Variants in ZBTB10 observed in about 807,000 individuals in gnomAD.
ZBTB10 encodes zinc finger and BTB domain-containing protein 10.
A neutral mutation model predicts 76.4 loss-of-function variants in ZBTB10; 32 were observed. That is an observed-to-expected ratio of 0.42 (90% CI 0.32 to 0.56). The LOEUF (loss-of-function observed/expected upper bound fraction) is 0.56, where lower values mean the gene tolerates loss of function less well. ZBTB10 is among the 20% of genes least tolerant of loss of function. The pLI is 0.14. For synonymous variants in ZBTB10, 523 were observed against 432.9 expected (o/e 1.21, Z -2.58); for missense variants, 1,057 against 1,098.5 (o/e 0.96, Z 0.53).
chr8:80,505,428 T>C (rs1585851980), intron 2 of ZBTB10, among the ~76,000 whole-genome samples: 1 of 152,222 alleles, frequency 6.6e-6, no homozygotes, highest in African/African-American at 2.4e-5. Context: ...TGTAGTTCTA[T>C]GTAAATGATT....
At position 80,524,979 on chromosome 8, in the gene ZBTB10, T is replaced by C. The variant is rs1042597050; in HGVS notation, c.*5451T>C. On this transcript the variant is annotated 3_prime_UTR_variant, in exon 6 of 6. Transcript: ENST00000455036. Reference sequence around the variant, plus strand: ...TTGGGACCCTTGTAGTTGCTTTTTATTTTGCTTAGTCAACAAACACTAAAA... The same window carrying C: ...TTGGGACCCTTGTAGTTGCTTTTTACTTTGCTTAGTCAACAAACACTAAAA... 1.3e-5 allele frequency: 2 copies of C among 152,068 alleles called. No individual in the cohort carries two copies. Among genetic ancestry groups the C allele is most frequent in the African/African-American group, 4.8e-5 (2 of 41,404 alleles). The allele number at this position is 152,068 out of a possible 1,614,324, so 9.4% of individuals were successfully genotyped here. A position where few individuals can be genotyped will look rare whatever the true frequency, so the allele number is the denominator to read the frequency against.
rs1816525127 is a variant in ZBTB10, at chr8:80,524,840, A to G, written c.*5312A>G. Reference sequence around the variant, plus strand: ...GGGCTGCTTCAGAAAAAGGTCTACCACTGGAGATAACGCTATGAAAAGTGA... The same window carrying G: ...GGGCTGCTTCAGAAAAAGGTCTACCGCTGGAGATAACGCTATGAAAAGTGA... On this transcript the variant is annotated 3_prime_UTR_variant, in exon 6 of 6. Coordinates refer to ENST00000455036, the MANE Select transcript of ZBTB10 (RefSeq NM_001105539.3). The G allele has an allele frequency of 6.6e-6, 1 of 152,136 alleles. No individual in the cohort carries two copies. The highest frequency in any genetic ancestry group is 1.5e-5 in the Non-Finnish European group (1 of 67,988). 9.4% of individuals were successfully genotyped at this position (152,136 alleles called of 1,614,324 possible).
chr8:80,507,581 T>C (rs1332457780), intron 2 of ZBTB10, among the ~76,000 whole-genome samples: 4 of 151,478 alleles, frequency 2.6e-5, no homozygotes, highest in Non-Finnish European at 5.9e-5. Context: ...GCCACTGCAC[T>C]CCAGCCTGGG....
intron 2 of ZBTB10, among the ~76,000 whole-genome samples, chr8:80,507,066 T>C (rs2131502009): frequency 6.6e-6 from 1 of 152,200 alleles, no homozygotes. Context: ...TCCCAGCACT[T>C]TGGGAGGCCG....
intron 2 of ZBTB10, among the ~76,000 whole-genome samples, chr8:80,506,038 A>G (rs1247865224): frequency 1.3e-5 from 2 of 151,052 alleles, no homozygotes; most frequent in Non-Finnish European, 2.9e-5. Context: ...TACAGCCTTG[A>G]GCCACTGTGT....
intron 1 of ZBTB10, 23 bp downstream of exon 1, chr8:80,487,805 T>A: frequency 6.6e-7 from 1 of 1,525,908 alleles, no homozygotes; most frequent in Non-Finnish European, 8.8e-7. Context: ...CTGCTCCTAC[T>A]TTTTTGAGAT....
At position 80,524,557 on chromosome 8, in the gene ZBTB10, T is replaced by G. The variant is rs1816512823; in HGVS notation, c.*5029T>G. Reference sequence around the variant, plus strand: ...CTAGCTTTTTAGGTTATTTCAAAGTTAGTAATAGAGCAAAGGAAATCAGAA... The same window carrying G: ...CTAGCTTTTTAGGTTATTTCAAAGTGAGTAATAGAGCAAAGGAAATCAGAA... On this transcript the variant is annotated 3_prime_UTR_variant, in exon 6 of 6. Coordinates refer to ENST00000455036, the MANE Select transcript of ZBTB10 (RefSeq NM_001105539.3). The G allele has an allele frequency of 6.6e-6, 1 of 152,040 alleles. No individual in the cohort carries two copies. Among genetic ancestry groups the G allele is most frequent in the Non-Finnish European group, 1.5e-5 (1 of 67,938 alleles). The allele number at this position is 152,040 out of a possible 1,614,324, so 9.4% of individuals were successfully genotyped here. A position where few individuals can be genotyped will look rare whatever the true frequency, so the allele number is the denominator to read the frequency against.
intron 2 of ZBTB10, among the ~76,000 whole-genome samples, chr8:80,505,681 G>T (rs1816031324): frequency 6.6e-6 from 1 of 152,018 alleles, no homozygotes; most frequent in Non-Finnish European, 1.5e-5. Flanking sequence ...TTGGTACTTT[G>T]AAAACTATTT....
intron 1 of ZBTB10, among the ~76,000 whole-genome samples, chr8:80,497,266 C>T (rs1360569446): frequency 2.0e-5 from 3 of 151,722 alleles, no homozygotes; most frequent in African/African-American, 7.3e-5. Flanking sequence ...ATACAACATA[C>T]TGGTTTAATA....
intron 3 of ZBTB10, among the ~76,000 whole-genome samples, chr8:80,514,707 A>G (rs1361942325): frequency 6.6e-6 from 1 of 152,224 alleles, no homozygotes; most frequent in Non-Finnish European, 1.5e-5. Flanking sequence ...TCCACTTGCA[A>G]AGGGGAAAAG....
At position 80,486,406 on chromosome 8, in the gene ZBTB10, C is replaced by T. The variant is rs1345319508; in HGVS notation, c.-405C>T. On this transcript the variant is annotated 5_prime_UTR_variant, in exon 1 of 6. Transcript: ENST00000455036. ...GAGGAAGGATATCTGTGTGGAGGAT[C>T]GGTGTGTGCGCGCGCGGCTTTAAAG... 1 of 984,118 alleles carries T rather than the reference C, an allele frequency of 1.0e-6. No homozygotes were observed. 61.0% of individuals were successfully genotyped at this position (984,118 alleles called of 1,614,324 possible).
chr8:80,508,401 A>G lies in ZBTB10; in HGVS notation c.1862-5509A>G, dbSNP rs141290580. 2.0e-4 allele frequency among the ~76,000 whole-genome samples: 31 copies of G among 152,366 alleles called. 1 individual carries two copies. In the South Asian group the frequency reaches 5.8e-3, roughly 28 times the overall value. Reference sequence around the variant, plus strand: ...GGAACTCCAAAATAGCTTTCCACATATAATAGGAAATTTGGAAACGTTTTT... The same window carrying G: ...GGAACTCCAAAATAGCTTTCCACATGTAATAGGAAATTTGGAAACGTTTTT... On this transcript the variant is annotated intron_variant, in intron 2 of 5. Transcript: ENST00000455036.
intron 3 of ZBTB10, 33 bp from the exon 4 acceptor site, chr8:80,518,370 C>A: frequency 6.6e-7 from 1 of 1,521,638 alleles, no homozygotes; most frequent in Non-Finnish European, 8.8e-7. Context: ...ATCTTTATTA[C>A]CATTATTAAT....
At chr8:80,493,925 A>AG (rs1191487214) in intron 1 of ZBTB10, among the ~76,000 whole-genome samples, 1 of 152,242 alleles carries the variant, frequency 6.6e-6, no homozygotes, top group Non-Finnish European at 1.5e-5. Flanking sequence ...GCTACCAAAG[A>AG]GGATGCCATC....
intron 2 of ZBTB10, among the ~76,000 whole-genome samples, chr8:80,507,867 T>G (rs1394024598): frequency 6.6e-6 from 1 of 152,200 alleles, no homozygotes; most frequent in African/African-American, 2.4e-5. Context: ...CCCAGAGTGC[T>G]GGGGTTGCAG....
At position 80,522,631 on chromosome 8, in the gene ZBTB10, G is replaced by C. The variant is rs1585867370; in HGVS notation, c.*3103G>C. 1 of 151,952 alleles carries C rather than the reference G, an allele frequency of 6.6e-6. No individual in the cohort carries two copies. Among genetic ancestry groups the C allele is most frequent in the African/African-American group, 2.4e-5 (1 of 41,438 alleles). 9.4% of individuals were successfully genotyped at this position (151,952 alleles called of 1,614,324 possible). A position where few individuals can be genotyped will look rare whatever the true frequency, so the allele number is the denominator to read the frequency against. ...TGAAATTGGGGAAAACACACTAGCT[G>C]GGTTAGGTACAGCTATCCTAATGGA... On this transcript the variant is annotated 3_prime_UTR_variant, in exon 6 of 6. Transcript: ENST00000455036.
chr8:80,495,815 A>C (rs1815768884), intron 1 of ZBTB10, among the ~76,000 whole-genome samples: 1 of 152,222 alleles, frequency 6.6e-6, no homozygotes, highest in Non-Finnish European at 1.5e-5. Context: ...CTAACTGGAC[A>C]CTTACCTATA....
intron 2 of ZBTB10, among the ~76,000 whole-genome samples, chr8:80,513,490 C>A (rs779796514): frequency 6.6e-6 from 1 of 152,162 alleles, no homozygotes; most frequent in Non-Finnish European, 1.5e-5. Context: ...AATGTGGATG[C>A]ACCAGCAATG....
intron 2 of ZBTB10, 22 bp downstream of exon 2, chr8:80,500,404 A>G: frequency 6.7e-7 from 1 of 1,495,348 alleles, no homozygotes; most frequent in African/African-American, 1.4e-5. Context: ...CTATACAAGG[A>G]TACTTCCTTG....
Sources: gnomAD v4.1 joint callset for allele counts (sites outside exome capture counted in the v4.1 genomes callset) on GRCh38, gnomAD v4.1.1 for gene constraint, MANE v1.5 for transcripts, NCBI Gene and HGNC (gene_info 2026-07-23, HGNC 2026-07-21) for gene names.